Variants in DMD observed in about 807,000 individuals in gnomAD.
The protein encoded by DMD is mutant dystrophin.
A neutral mutation model predicts 330.1 loss-of-function variants in DMD; 63 were observed. That is an observed-to-expected ratio of 0.19 (90% confidence interval 0.16 to 0.24). The LOEUF (loss-of-function observed/expected upper bound fraction) is 0.24. Among genes scored for constraint, DMD ranks in the 10% least tolerant of loss-of-function variants. The probability of loss-of-function intolerance (pLI) is 1.00; values close to 1 mark genes in which losing one functional copy is unlikely to be tolerated. For missense variants in DMD, 3,344 were observed against 2,684.1 expected, an observed-to-expected ratio of 1.25 and a Z score of -5.43; for synonymous variants, 1,223 against 959.8, an observed-to-expected ratio of 1.27 and a Z score of -5.07.
chrX:32,502,471 C>T (rs907762464), intron 18 of DMD, among the ~76,000 whole-genome samples: 1 of 111,373 alleles, frequency 9.0e-6, no homozygotes, highest in African/African-American at 3.3e-5. Context: ...ACCACAAATG[C>T]AAAATTATTT....
intron 25 of DMD, among the ~76,000 whole-genome samples, chrX:32,456,707 T>C (rs1201228236): frequency 9.3e-6 from 1 of 107,312 alleles, no homozygotes; most frequent in African/African-American, 3.4e-5. Flanking sequence ...CATTTGGTGA[T>C]AGATTTGATG....
chrX:32,709,054 T>A (rs1455960724), intron 7 of DMD, among the ~76,000 whole-genome samples: 1 of 112,023 alleles, frequency 8.9e-6, no homozygotes, highest in Non-Finnish European at 1.9e-5. Context: ...AGTAGCAAAC[T>A]TTAACCCATT....
intron 42 of DMD, among the ~76,000 whole-genome samples, chrX:32,295,040 G>A (rs1394822557): frequency 9.0e-6 from 1 of 111,224 alleles, no homozygotes; most frequent in African/African-American, 3.3e-5. Flanking sequence ...AAAATATGAT[G>A]TCAAAATGAT....
intron 2 of DMD, among the ~76,000 whole-genome samples, chrX:32,859,770 C>T (rs1321224331): frequency 3.6e-5 from 4 of 111,168 alleles, no homozygotes; most frequent in Admixed American, 9.6e-5. Context: ...CTTCAACATA[C>T]ACCATGTCTT....
At chrX:32,288,755 G>A (rs150319907) in intron 42 of DMD, among the ~76,000 whole-genome samples, 2 of 111,333 alleles carry the variant, frequency 1.8e-5, no homozygotes, top group Non-Finnish European at 3.8e-5. Flanking sequence ...GTCCTATGAT[G>A]ATCCATCTTT....
intron 5 of DMD, among the ~76,000 whole-genome samples, chrX:32,816,875 G>C (rs771791016): frequency 9.0e-6 from 1 of 111,474 alleles, no homozygotes; most frequent in Non-Finnish European, 1.9e-5. Context: ...ATTACTCCTG[G>C]ATTCTGCCAT....
At chrX:32,241,147 G>T (rs1421501262) in intron 43 of DMD, among the ~76,000 whole-genome samples, 1 of 112,055 alleles carries the variant, frequency 8.9e-6, no homozygotes, top group Non-Finnish European at 1.9e-5. Flanking sequence ...GAAGATAAAT[G>T]TATGTTTTCG....
intron 4 of DMD, among the ~76,000 whole-genome samples, chrX:32,836,873 G>T (rs1160742553): frequency 1.8e-5 from 2 of 112,027 alleles, no homozygotes; most frequent in African/African-American, 6.5e-5. Flanking sequence ...TATAATTTGT[G>T]TATGTGGCAG....
chrX:31,957,637 A>T (rs2095259844), intron 45 of DMD, among the ~76,000 whole-genome samples: 1 of 112,345 alleles, frequency 8.9e-6, no homozygotes, highest in Non-Finnish European at 1.9e-5. Context: ...AAAAACATTT[A>T]TCATAGTAGA....
At chrX:32,824,978 C>T (rs1418559315) in intron 4 of DMD, among the ~76,000 whole-genome samples, 5 of 111,661 alleles carry the variant, frequency 4.5e-5, no homozygotes, top group Non-Finnish European at 7.5e-5. Flanking sequence ...TAAGGAAAAG[C>T]CACTATGAAT....
At chrX:31,790,688 G>A (rs1373162813) in intron 50 of DMD, among the ~76,000 whole-genome samples, 2 of 110,615 alleles carry the variant, frequency 1.8e-5, no homozygotes, top group African/African-American at 6.6e-5. Context: ...AGAAAAGGTT[G>A]AATAGTTTGC....
At position 31,405,555 on chromosome X, in the gene DMD, C is replaced by CA. The variant is rs1352518968; in HGVS notation, c.9084+38925dup. ...ACCCCTGACAACCATCTATAATTGA[C>CA]AAAAAAAAGCGAGCATAAGTTGACT... On this transcript the variant is annotated intron_variant, in intron 60 of 78. Transcript: ENST00000357033. Among the ~76,000 whole-genome samples, 13 of 109,192 alleles carry CA rather than the reference C, an allele frequency of 1.2e-4. No homozygotes were observed. The South Asian group carries it at 2.0e-3, about 16-fold the overall frequency. 94.8% of individuals were successfully genotyped at this position (109,192 alleles called of 115,157 possible). A position where few individuals can be genotyped will look rare whatever the true frequency, so the allele number is the denominator to read the frequency against.
At chrX:31,178,035 G>A in intron 70 of DMD, 65 bp from the exon 71 acceptor site, 1 of 1,126,333 alleles carries the variant, frequency 8.9e-7, no homozygotes, top group Non-Finnish European at 1.2e-6. Context: ...AAAATTTACT[G>A]AAAGGTCAAA....
intron 37 of DMD, among the ~76,000 whole-genome samples, chrX:32,351,937 T>TGAA (rs2097783064): frequency 1.8e-5 from 2 of 110,877 alleles, no homozygotes; most frequent in African/African-American, 6.5e-5. Flanking sequence ...AACTTAGACT[T>TGAA]CTTTAGTTCA....
At chrX:32,099,391 G>C (rs1217822274) in intron 44 of DMD, among the ~76,000 whole-genome samples, 2 of 110,615 alleles carry the variant, frequency 1.8e-5, no homozygotes, top group African/African-American at 6.6e-5. Context: ...CCCATTACTG[G>C]GTATATACCC....
chrX:32,732,626 G>C (rs1187410667), intron 7 of DMD, among the ~76,000 whole-genome samples: 1 of 111,098 alleles, frequency 9.0e-6, no homozygotes, highest in African/African-American at 3.3e-5. Flanking sequence ...TTAAAGAAAA[G>C]AATTTTCAAC....
chrX:31,158,080 C>CA (rs1569370854), intron 74 of DMD, among the ~76,000 whole-genome samples: 2 of 111,436 alleles, frequency 1.8e-5, no homozygotes, highest in African/African-American at 6.5e-5. Flanking sequence ...GTTGGGTTTA[C>CA]AGGTGTGAGC....
At chrX:31,627,391 TTC>T (rs1263515200) in intron 55 of DMD, among the ~76,000 whole-genome samples, 16 of 112,457 alleles carry the variant, frequency 1.4e-4, no homozygotes, top group African/African-American at 4.8e-4. Flanking sequence ...CCTAAGTTAT[TTC>T]TCTGAGCAAA....
chrX:31,346,392 C>A (rs1402106591), intron 61 of DMD, among the ~76,000 whole-genome samples: 2 of 111,240 alleles, frequency 1.8e-5, no homozygotes, highest in African/African-American at 6.5e-5. Context: ...GATGGATAAA[C>A]CCTCATATAT....
Sources: allele counts gnomAD v4.1 joint callset (sites outside exome capture counted in the v4.1 genomes callset), GRCh38; gene constraint gnomAD v4.1.1; transcripts MANE v1.5; gene names NCBI Gene and HGNC (gene_info 2026-07-23, HGNC 2026-07-21).